Variants in SKAP1 observed in about 807,000 individuals in gnomAD.
SKAP1 encodes the protein src kinase-associated phosphoprotein 1.
A neutral mutation model predicts 58.5 loss-of-function variants in SKAP1; 44 were observed. That is an observed-to-expected ratio of 0.75 (90% CI 0.59 to 0.97). The LOEUF (loss-of-function observed/expected upper bound fraction) is 0.97. Ranked by LOEUF, SKAP1 falls within the 50% of genes least tolerant of loss-of-function variation. The pLI is 0.00. For synonymous variants in SKAP1, 127 were observed against 149.7 expected (o/e 0.85, Z 1.11); for missense variants, 390 against 435.2 (o/e 0.90, Z 0.92).
intron 4 of SKAP1, among the ~76,000 whole-genome samples, chr17:48,297,317 C>T (rs2065990624): frequency 6.6e-6 from 1 of 152,102 alleles, no homozygotes; most frequent in Non-Finnish European, 1.5e-5. Flanking sequence ...CTGTGTACAA[C>T]AAGTTTTGTA....
At chr17:48,357,619 G>C (rs2066892704) in intron 3 of SKAP1, among the ~76,000 whole-genome samples, 1 of 151,780 alleles carries the variant, frequency 6.6e-6, no homozygotes, top group Non-Finnish European at 1.5e-5. Flanking sequence ...GACAGAGCGA[G>C]ACTCTGTCTC....
At chr17:48,245,175 T>G (rs1014657955) in intron 4 of SKAP1, among the ~76,000 whole-genome samples, 5 of 152,202 alleles carry the variant, frequency 3.3e-5, no homozygotes, top group African/African-American at 4.8e-5. Context: ...TGGAAAATAG[T>G]AGGTATCTTC....
chr17:48,435,218 G>A (rs550975357), upstream of SKAP1, among the ~76,000 whole-genome samples: 29 of 149,818 alleles, frequency 1.9e-4, no homozygotes, highest in Admixed American at 1.8e-3. Flanking sequence ...TTTCTCTATT[G>A]TTCCCAATCC....
chr17:48,173,002 C>G (rs778711682), intron 9 of SKAP1, among the ~76,000 whole-genome samples: 7 of 151,924 alleles, frequency 4.6e-5, no homozygotes, highest in Non-Finnish European at 7.4e-5. Flanking sequence ...AGAGCAAGAC[C>G]CTGTCTCTAT....
intron 4 of SKAP1, among the ~76,000 whole-genome samples, chr17:48,244,080 A>G (rs559407286): frequency 1.3e-5 from 2 of 152,372 alleles, no homozygotes; most frequent in East Asian, 3.9e-4. Context: ...AATTCTACTT[A>G]TAATAATGTT....
At chr17:48,423,532 C>T (rs2067819816) in intron 1 of SKAP1, among the ~76,000 whole-genome samples, 1 of 152,114 alleles carries the variant, frequency 6.6e-6, no homozygotes, top group Admixed American at 6.5e-5. Context: ...GTACAGTAGC[C>T]ACTGTGGCTA....
chr17:48,297,343 A>G (rs1045882530), intron 4 of SKAP1, among the ~76,000 whole-genome samples: 9 of 152,180 alleles, frequency 5.9e-5, no homozygotes, highest in Admixed American at 1.3e-4. Flanking sequence ...GGGTAAATAT[A>G]TACATTTACT....
chr17:48,179,036 T>C (rs1363782787), intron 9 of SKAP1, among the ~76,000 whole-genome samples: 1 of 152,120 alleles, frequency 6.6e-6, no homozygotes, highest in Non-Finnish European at 1.5e-5. Flanking sequence ...GACGCTCTTC[T>C]TAGGAAGCCT....
At chr17:48,284,591 T>C (rs1021935742) in intron 4 of SKAP1, among the ~76,000 whole-genome samples, 5 of 152,212 alleles carry the variant, frequency 3.3e-5, no homozygotes, top group African/African-American at 1.2e-4. Context: ...ACAGTTGGCA[T>C]GTTGTGAGAA....
chr17:48,240,794 GT>G (rs1156909156), intron 4 of SKAP1, among the ~76,000 whole-genome samples: 1 of 152,200 alleles, frequency 6.6e-6, no homozygotes, highest in Non-Finnish European at 1.5e-5. Flanking sequence ...AGTGCTGCCT[GT>G]TCCCACTCGT....
chr17:48,193,123 C>A (rs760040675), intron 4 of SKAP1, among the ~76,000 whole-genome samples: 3 of 152,126 alleles, frequency 2.0e-5, no homozygotes, highest in Non-Finnish European at 4.4e-5. Context: ...CTCACTGCAA[C>A]CTCCACCTCC....
At chr17:48,374,567 T>G (rs544859555) in intron 2 of SKAP1, among the ~76,000 whole-genome samples, 139 of 152,280 alleles carry the variant, frequency 9.1e-4, no homozygotes, top group Admixed American at 1.7e-3. Context: ...TGCAAGTTGA[T>G]AAGGCTAGGA....
chr17:48,147,332 T>C (rs2063844008), intron 11 of SKAP1, among the ~76,000 whole-genome samples: 1 of 152,238 alleles, frequency 6.6e-6, no homozygotes, highest in African/African-American at 2.4e-5. Context: ...TTAGTTAAGA[T>C]GGGAAATTTG....
chr17:48,348,260 T>C (rs1316314824), intron 3 of SKAP1, among the ~76,000 whole-genome samples: 1 of 150,558 alleles, frequency 6.6e-6, no homozygotes. Flanking sequence ...GGGGATCGTT[T>C]GAGCCAAGGA....
At chr17:48,137,085 TC>T in intron 12 of SKAP1, 143 bp downstream of exon 12, 1 of 553,602 alleles carries the variant, frequency 1.8e-6, no homozygotes, top group Non-Finnish European at 3.3e-6. Flanking sequence ...GCATTTTCTT[TC>T]CATCAGTGGT....
intron 1 of SKAP1, among the ~76,000 whole-genome samples, chr17:48,422,719 GATTT>G (rs1258529556): frequency 6.6e-6 from 1 of 152,136 alleles, no homozygotes; most frequent in African/African-American, 2.4e-5. Flanking sequence ...TTCTGAAGCA[GATTT>G]ATTATTAAAG....
intron 4 of SKAP1, among the ~76,000 whole-genome samples, chr17:48,267,789 G>C (rs2065572407): frequency 6.6e-6 from 1 of 152,058 alleles, no homozygotes; most frequent in Admixed American, 6.5e-5. Flanking sequence ...CGTTAGGAAG[G>C]GTAATTACAG....
At chr17:48,156,370 TG>T (rs2143210605) in intron 11 of SKAP1, 1 of 274,966 alleles carries the variant, frequency 3.6e-6, no homozygotes, top group South Asian at 3.6e-5. Flanking sequence ...GCCGGCATCG[TG>T]GGAAGTAATT....
chr17:48,246,040 C>A (rs2065292946), intron 4 of SKAP1, among the ~76,000 whole-genome samples: 1 of 152,002 alleles, frequency 6.6e-6, no homozygotes, highest in Non-Finnish European at 1.5e-5. Flanking sequence ...AATAATAATG[C>A]CTTTCTCAAC....
Sources: gnomAD v4.1 joint callset for allele counts (sites outside exome capture counted in the v4.1 genomes callset) on GRCh38, gnomAD v4.1.1 for gene constraint, MANE v1.5 for transcripts, NCBI Gene and HGNC (gene_info 2026-07-23, HGNC 2026-07-21) for gene names.